CASZ1: variants seen among roughly 807,000 people sequenced by gnomAD.
CASZ1 encodes the protein castor zinc finger 1.
In CASZ1, 28 loss-of-function variants were observed where a neutral mutation model predicts 135.2. The observed-to-expected ratio is 0.21, with a 90% CI of 0.15 to 0.28. CASZ1 has a LOEUF of 0.28. Ranked by LOEUF, CASZ1 falls within the 10% of genes least tolerant of loss-of-function variation. CASZ1 has a pLI of 1.00. For missense variants in CASZ1, 2,161 were observed against 2,453.3 expected (o/e 0.88, Z 2.52); for synonymous variants, 1,068 against 1,073.4 (o/e 0.99, Z 0.10).
Position 10,659,833 on chromosome 1 carries a change from C to A in CASZ1, c.1209G>T (p.Val403=). The A allele has an allele frequency of 1.2e-6, 2 of 1,612,858 alleles. No individual in the cohort carries two copies. Among genetic ancestry groups the A allele is most frequent in the South Asian group, 2.2e-5 (2 of 90,988 alleles). Residue 403 remains valine (V), a synonymous_variant, in exon 6 of 21, where the codon GTG becomes GTT. Coordinates refer to ENST00000377022, the MANE Select transcript of CASZ1 (RefSeq NM_001079843.3). ...GCCCGGGGGCGCTGGGGGCACTGGG[C>A]ACGCTGGCGAGGGGTGCGGGAGCCA... ...PSLAPAPLAS[V]PSAPSAPGPG...
In CASZ1 at chr1:10,725,256, C is replaced by A. The variant is rs575820455; in HGVS notation, c.-76-19712G>T. 1.1e-3 allele frequency among the ~76,000 whole-genome samples: 169 copies of A among 152,362 alleles called. No homozygotes were observed. The highest frequency in any genetic ancestry group is 3.4e-3 in the Middle Eastern group (1 of 294). On this transcript the variant is annotated intron_variant, in intron 2 of 20. Transcript: ENST00000377022. This position sits in a 1 kb window ranked among gnomAD's most constrained non-coding sequence, Gnocchi z 4.4. ...ACAGGGCGGCCAAGTAGGCTGGGTG[C>A]CAGGCGTCTGCCAGGCCCCTCCACC...
At chr1:10,795,135 G>A (rs1044952791) in intron 1 of CASZ1, among the ~76,000 whole-genome samples, 4 of 151,972 alleles carry the variant, frequency 2.6e-5, no homozygotes, top group Non-Finnish European at 5.9e-5. Context: ...CGCCCGTCCG[G>A]CTCACCCCGG....
chr1:10,710,861 G>T (rs1195319215), intron 2 of CASZ1, among the ~76,000 whole-genome samples: 3 of 152,262 alleles, frequency 2.0e-5, no homozygotes, highest in Non-Finnish European at 2.9e-5. Context: ...AAGGCCGGGG[G>T]CAGTAGCTCA....
chr1:10,673,265 T>C (rs993863519), intron 4 of CASZ1, among the ~76,000 whole-genome samples: 36 of 152,328 alleles, frequency 2.4e-4, no homozygotes, highest in African/African-American at 7.2e-4. Flanking sequence ...GCCATTAACA[T>C]CCAACGTCCT....
intron 18 of CASZ1, among the ~76,000 whole-genome samples, chr1:10,644,200 G>A (rs773181391): frequency 1.3e-5 from 2 of 152,164 alleles, no homozygotes; most frequent in African/African-American, 2.4e-5. Context: ...CCGCCTGCCC[G>A]TGGGTTCTGG....
At chr1:10,754,402 A>G (rs1231319698) in intron 2 of CASZ1, among the ~76,000 whole-genome samples, 3 of 152,172 alleles carry the variant, frequency 2.0e-5, no homozygotes, top group African/African-American at 7.2e-5. Flanking sequence ...CTGAATGGAA[A>G]TGGAAAATGA....
In CASZ1 at chr1:10,747,917, C is replaced by T. The variant is rs971084261; in HGVS notation, c.-77+12784G>A. ...CTGCAAGCTCCGCCTCCTGGGTTCA[C>T]GCCATTCTCCTGCCTCAGCCTCCTA... On this transcript the variant is annotated intron_variant, in intron 2 of 20. Coordinates refer to ENST00000377022, the MANE Select transcript of CASZ1 (RefSeq NM_001079843.3). This position sits in a 1 kb window ranked among gnomAD's most constrained non-coding sequence, Gnocchi z 4.3. 6.6e-6 allele frequency among the ~76,000 whole-genome samples: 1 copy of T among 151,712 alleles called. No individual in the cohort carries two copies. The highest frequency in any genetic ancestry group is 1.5e-5 in the Non-Finnish European group (1 of 67,928).
At chr1:10,672,084 C>G (rs1217035007) in intron 4 of CASZ1, among the ~76,000 whole-genome samples, 1 of 152,202 alleles carries the variant, frequency 6.6e-6, no homozygotes, top group African/African-American at 2.4e-5. Flanking sequence ...CCCAGGCCAC[C>G]TCCTTTCCCT....
chr1:10,641,843 C>T (rs995849795), intron 20 of CASZ1, among the ~76,000 whole-genome samples: 2 of 152,190 alleles, frequency 1.3e-5, no homozygotes, highest in African/African-American at 4.8e-5. Flanking sequence ...GCAGGAGCCA[C>T]GAGGAGTTGT....
In CASZ1 at chr1:10,727,271, C is replaced by T. The variant is rs958324736; in HGVS notation, c.-76-21727G>A. 7.2e-5 allele frequency among the ~76,000 whole-genome samples: 11 copies of T among 152,132 alleles called. No homozygotes were observed. The highest frequency in any genetic ancestry group is 7.2e-5 in the African/African-American group (3 of 41,428). On this transcript the variant is annotated intron_variant, in intron 2 of 20. Coordinates refer to ENST00000377022, the MANE Select transcript of CASZ1 (RefSeq NM_001079843.3). This position sits in a 1 kb window ranked among gnomAD's most constrained non-coding sequence, Gnocchi z 5.3. ...GCAGGGGCTGCAGAGCCATAAGGCA[C>T]CTGCTGTTTGAGCCCAGCCCCAGCC...
At chr1:10,695,969 G>A (rs1288687430) in intron 3 of CASZ1, among the ~76,000 whole-genome samples, 1 of 152,092 alleles carries the variant, frequency 6.6e-6, no homozygotes, top group African/African-American at 2.4e-5. Flanking sequence ...TTCAGGAGGG[G>A]CCACACTGCC....
At position 10,711,976 on chromosome 1, in the gene CASZ1, A is replaced by G. The variant is rs572808220; in HGVS notation, c.-76-6432T>C. Among the ~76,000 whole-genome samples the G allele has an allele frequency of 2.5e-4, 38 of 152,320 alleles. No homozygotes were observed. Among genetic ancestry groups the G allele is most frequent in the African/African-American group, 8.7e-4 (36 of 41,568 alleles). On this transcript the variant is annotated intron_variant, in intron 2 of 20. Transcript: ENST00000377022. This position sits in a 1 kb window ranked among gnomAD's most constrained non-coding sequence, Gnocchi z 4.4. Reference sequence around the variant, plus strand: ...GGGTTCAGGGTTTCTGTCTGGAGTGATGAAAAAGTTCTGGAACTAGCTTAA... The same window carrying G: ...GGGTTCAGGGTTTCTGTCTGGAGTGGTGAAAAAGTTCTGGAACTAGCTTAA...
At chr1:10,773,131 G>A (rs1306389553) in intron 1 of CASZ1, among the ~76,000 whole-genome samples, 1 of 152,142 alleles carries the variant, frequency 6.6e-6, no homozygotes, top group East Asian at 1.9e-4. Context: ...AGATCCTGCT[G>A]GGTACAGCTT....
intron 11 of CASZ1, chr1:10,652,059 T>C (rs910052678): frequency 7.9e-5 from 12 of 152,248 alleles, no homozygotes; most frequent in African/African-American, 2.7e-4. Context: ...GAGCGTCCTA[T>C]TGGGCCTGTG....
In CASZ1 at chr1:10,636,860, A is replaced by C. The variant is rs547798657; in HGVS notation, c.*2082T>G. 12 of 152,000 alleles carry C rather than the reference A, an allele frequency of 7.9e-5. No homozygotes were observed. Among genetic ancestry groups the C allele is most frequent in the South Asian group, 2.1e-4 (1 of 4,824 alleles). The allele number at this position is 152,000 out of a possible 1,614,324, so 9.4% of individuals were successfully genotyped here. A position where few individuals can be genotyped will look rare whatever the true frequency, so the allele number is the denominator to read the frequency against. The stretch of plus-strand genomic sequence containing the variant: ...CCTCTCTATATATCTCTATATATCT[A>C]TATATGTATATACATATAGATATAT... On this transcript the variant is annotated 3_prime_UTR_variant, in exon 21 of 21. Transcript: ENST00000377022.
intron 1 of CASZ1, among the ~76,000 whole-genome samples, chr1:10,782,796 G>C (rs1278732132): frequency 6.6e-6 from 1 of 152,234 alleles, no homozygotes. Context: ...CTGGGAGGGG[G>C]GAAGGCTGGG....
intron 1 of CASZ1, among the ~76,000 whole-genome samples, chr1:10,786,921 G>A (rs1331462720): frequency 6.6e-6 from 1 of 151,820 alleles, no homozygotes; most frequent in African/African-American, 2.4e-5. Flanking sequence ...CACCACCCGC[G>A]ACACCCAGGC....
chr1:10,674,418 C>G (rs1220004836), intron 4 of CASZ1, among the ~76,000 whole-genome samples: 1 of 152,268 alleles, frequency 6.6e-6, no homozygotes, highest in South Asian at 2.1e-4. Context: ...CCTTCCCCGG[C>G]ACCGCTGCTG....
Position 10,739,162 on chromosome 1 carries a change from G to A in CASZ1, c.-77+21539C>T, listed in dbSNP as rs935350248. ...CAAGTCACCCAGGCATCTTGTGGAG[G>A]GTGGCTGCTCTTTTCAGGCCGGCGG... is the stretch of plus-strand genomic sequence containing the variant. On this transcript the variant is annotated intron_variant, in intron 2 of 20. Transcript: ENST00000377022. The surrounding 1 kb of genome is among the most constrained non-coding windows in gnomAD (Gnocchi z 4.8). 6.6e-6 allele frequency among the ~76,000 whole-genome samples: 1 copy of A among 152,116 alleles called. No individual in the cohort carries two copies. The highest frequency in any genetic ancestry group is 2.4e-5 in the African/African-American group (1 of 41,416).
Sources: allele counts gnomAD v4.1 joint callset (sites outside exome capture counted in the v4.1 genomes callset), GRCh38; gene constraint gnomAD v4.1.1; non-coding constraint Gnocchi (gnomAD v3.1); transcripts MANE v1.5; gene names NCBI Gene and HGNC (gene_info 2026-07-23, HGNC 2026-07-21).